DLG2: variants seen among roughly 807,000 people sequenced by gnomAD.
The protein encoded by DLG2 is discs large MAGUK scaffold protein 2, also known as disks large homolog 2.
In DLG2, 45 loss-of-function variants were observed where a neutral mutation model predicts 132.5. The ratio of observed to expected loss-of-function variants is 0.34; its 90% confidence interval spans 0.27 to 0.44. The LOEUF (loss-of-function observed/expected upper bound fraction) is 0.44. Ranked by LOEUF, DLG2 falls within the 20% of genes least tolerant of loss-of-function variation. The probability of loss-of-function intolerance (pLI) is 1.00; values close to 1 mark genes in which losing one functional copy is unlikely to be tolerated. For missense variants in DLG2, 1,045 were observed against 1,196.9 expected (o/e 0.87, Z 1.87); for synonymous variants, 424 against 419.6 (o/e 1.01, Z -0.13).
chr11:83,973,671 C>G (rs1461938378), intron 12 of DLG2, among the ~76,000 whole-genome samples: 1 of 151,924 alleles, frequency 6.6e-6, no homozygotes, highest in Non-Finnish European at 1.5e-5. Context: ...TGGTTCTTAA[C>G]CCGGCTGCAC....
At chr11:84,360,874 A>C (rs973048253) in intron 7 of DLG2, among the ~76,000 whole-genome samples, 6 of 151,986 alleles carry the variant, frequency 3.9e-5, no homozygotes, top group Non-Finnish European at 1.5e-5. Context: ...TTACATATGT[A>C]AAAATGTATA....
intron 4 of DLG2, among the ~76,000 whole-genome samples, chr11:85,274,858 C>T (rs1297931205): frequency 6.6e-6 from 1 of 152,152 alleles, no homozygotes; most frequent in Non-Finnish European, 1.5e-5. Flanking sequence ...ACAGAGAGGC[C>T]AAGAATAATC....
At chr11:85,166,025 T>A (rs1482148719) in intron 4 of DLG2, among the ~76,000 whole-genome samples, 17 of 152,136 alleles carry the variant, frequency 1.1e-4, no homozygotes, top group Non-Finnish European at 1.0e-4. Flanking sequence ...ACCAGCAGCA[T>A]CAGCGCCACC....
intron 15 of DLG2, among the ~76,000 whole-genome samples, chr11:83,899,946 T>A (rs2072952452): frequency 6.6e-6 from 1 of 152,148 alleles, no homozygotes; most frequent in African/African-American, 2.4e-5. Flanking sequence ...GTTGAATGGC[T>A]TTGACAAAAA....
At chr11:84,452,418 A>G (rs1027377529) in intron 7 of DLG2, among the ~76,000 whole-genome samples, 10 of 151,752 alleles carry the variant, frequency 6.6e-5, no homozygotes, top group African/African-American at 2.4e-4. Context: ...CCATGATATG[A>G]CTAATGTTTT....
chr11:83,562,942 G>A (rs1355275636), intron 19 of DLG2, among the ~76,000 whole-genome samples: 1 of 125,536 alleles, frequency 8.0e-6, no homozygotes, highest in Non-Finnish European at 1.8e-5. Flanking sequence ...TGGCAGTAAT[G>A]TTTCTGTTTT....
intron 22 of DLG2, among the ~76,000 whole-genome samples, chr11:83,479,867 C>A (rs951538185): frequency 2.6e-5 from 4 of 152,030 alleles, no homozygotes; most frequent in Non-Finnish European, 4.4e-5. Flanking sequence ...AGTATCCTAT[C>A]TTAAAAGATT....
chr11:84,350,587 A>C (rs189853064), intron 7 of DLG2, among the ~76,000 whole-genome samples: 1 of 152,314 alleles, frequency 6.6e-6, no homozygotes, highest in African/African-American at 2.4e-5. Context: ...CCTCCTAAGA[A>C]ACTGGAGAGA....
chr11:83,514,118 G>A (rs1175446123), intron 21 of DLG2, among the ~76,000 whole-genome samples: 1 of 152,140 alleles, frequency 6.6e-6, no homozygotes, highest in African/African-American at 2.4e-5. Context: ...ATTACCTTGG[G>A]CAGTATGGCC....
At chr11:85,046,750 C>A (rs2062386367) in intron 6 of DLG2, among the ~76,000 whole-genome samples, 1 of 151,726 alleles carries the variant, frequency 6.6e-6, no homozygotes, top group South Asian at 2.1e-4. Context: ...ACATAAATTA[C>A]TTCCTTAAAT....
chr11:84,716,893 T>A (rs1270034915), intron 6 of DLG2, among the ~76,000 whole-genome samples: 1 of 152,016 alleles, frequency 6.6e-6, no homozygotes, highest in Admixed American at 6.6e-5. Context: ...ATAAATGGTG[T>A]TGTACTTACG....
rs1200781338 is a variant in DLG2, at chr11:84,812,143, C to A, written c.358-277412G>T. The stretch of plus-strand genomic sequence containing the variant: ...ACAAATATGATCCAGCATTATCCAG[C>A]AGCACCTCAAATATTTATTAAATTA... On this transcript the variant is annotated intron_variant, in intron 6 of 27. Coordinates refer to ENST00000376104, the MANE Select transcript of DLG2 (RefSeq NM_001142699.3). Among the ~76,000 whole-genome samples, 4 of 152,288 alleles carry A rather than the reference C, an allele frequency of 2.6e-5. No individual in the cohort carries two copies. The South Asian group carries it at 8.3e-4, about 32-fold the overall frequency.
intron 6 of DLG2, among the ~76,000 whole-genome samples, chr11:84,858,327 A>G (rs2083075749): frequency 6.6e-6 from 1 of 152,104 alleles, no homozygotes; most frequent in Non-Finnish European, 1.5e-5. Context: ...TGATTTTAAA[A>G]AAAAAAATTA....
At chr11:84,201,850 C>A (rs1358124687) in intron 8 of DLG2, among the ~76,000 whole-genome samples, 2 of 101,736 alleles carry the variant, frequency 2.0e-5, no homozygotes, top group East Asian at 3.2e-4. Flanking sequence ...GATGGAGTCT[C>A]ACTCTGTCAT....
intron 6 of DLG2, among the ~76,000 whole-genome samples, chr11:84,715,258 C>T (rs1274149394): frequency 6.6e-6 from 1 of 152,066 alleles, no homozygotes; most frequent in African/African-American, 2.4e-5. Flanking sequence ...AGCCATGTTT[C>T]TTTTAAAACT....
At chr11:83,501,089 T>C (rs1591951397) in intron 21 of DLG2, among the ~76,000 whole-genome samples, 1 of 152,168 alleles carries the variant, frequency 6.6e-6, no homozygotes, top group South Asian at 2.1e-4. Flanking sequence ...CAATTGGACA[T>C]GTTGAAATTA....
intron 19 of DLG2, among the ~76,000 whole-genome samples, chr11:83,553,224 T>C (rs1471549552): frequency 6.6e-6 from 1 of 152,196 alleles, no homozygotes; most frequent in African/African-American, 2.4e-5. Context: ...GATTAAAATA[T>C]TGTATGACAT....
chr11:84,019,763 C>T (rs906596130), intron 11 of DLG2, among the ~76,000 whole-genome samples: 5 of 152,088 alleles, frequency 3.3e-5, no homozygotes, highest in Admixed American at 1.3e-4. Context: ...CCCTAAGCCA[C>T]GGAATGCCAA....
At chr11:84,280,670 AACCATACAT>A (rs2097844589) in intron 7 of DLG2, among the ~76,000 whole-genome samples, 1 of 150,296 alleles carries the variant, frequency 6.7e-6, no homozygotes, top group Non-Finnish European at 1.5e-5. Context: ...ACAGGGGTTG[AACCATACAT>A]CTATAAATAA....
Sources: gnomAD v4.1 joint callset for allele counts (sites outside exome capture counted in the v4.1 genomes callset) on GRCh38, gnomAD v4.1.1 for gene constraint, MANE v1.5 for transcripts, NCBI Gene and HGNC (gene_info 2026-07-23, HGNC 2026-07-21) for gene names.